Variants in MYO9B observed in about 807,000 individuals in gnomAD.
The protein encoded by MYO9B is myosin IXB.
In MYO9B, 71 loss-of-function variants were observed where a neutral mutation model predicts 229.5. That is an observed-to-expected ratio of 0.31 (90% confidence interval 0.26 to 0.38). The LOEUF is 0.38. Among genes scored for constraint, MYO9B ranks in the 10% least tolerant of loss-of-function variants. The pLI is 1.00. For missense variants in MYO9B, 2,255 were observed against 2,920.5 expected (o/e 0.77, Z 5.25); for synonymous variants, 1,185 against 1,235.8 (o/e 0.96, Z 0.86).
At position 17,191,088 on chromosome 19, in the gene MYO9B, AT is replaced by A. The variant is rs1255494640; in HGVS notation, c.2689-8del. The A allele has an allele frequency of 6.2e-7, 1 of 1,610,962 alleles. No homozygotes were observed. The stretch of plus-strand genomic sequence containing the variant: ...CCTAGATTTTCCTTTCTCCACCCAA[AT>A]AACCTAGGATTTCACCGAGCAGTTC... On this transcript the variant is annotated splice_region_variant and splice_polypyrimidine_tract_variant and intron_variant, in intron 19 of 39. Transcript: ENST00000682292.
At chr19:17,118,630 C>T (rs571609038) in intron 2 of MYO9B, among the ~76,000 whole-genome samples, 4 of 152,014 alleles carry the variant, frequency 2.6e-5, no homozygotes, top group South Asian at 4.2e-4. Context: ...TACAGGCGTG[C>T]GCCATCACGC....
At chr19:17,084,139 C>T (rs377013144) in intron 1 of MYO9B, among the ~76,000 whole-genome samples, 2 of 151,970 alleles carry the variant, frequency 1.3e-5, no homozygotes, top group South Asian at 2.1e-4. Context: ...ACTTCCAGAC[C>T]AGCCTTGGCA....
intron 10 of MYO9B, among the ~76,000 whole-genome samples, chr19:17,166,323 G>A (rs768022597): frequency 2.6e-5 from 4 of 152,184 alleles, no homozygotes; most frequent in Non-Finnish European, 5.9e-5. Context: ...GATTACAGGC[G>A]TGAGCCACCA....
intron 37 of MYO9B, 38 bp from the exon 38 acceptor site, chr19:17,210,677 C>G (rs748167429): frequency 2.0e-6 from 3 of 1,500,624 alleles, no homozygotes; most frequent in Non-Finnish European, 8.9e-7. Flanking sequence ...CTCGCCCACT[C>G]AGAGATGTCA....
Position 17,183,899 on chromosome 19 carries a change from G to T in MYO9B, c.2373+31G>T, listed in dbSNP as rs777905249. 28 of 1,544,066 alleles carry T rather than the reference G, an allele frequency of 1.8e-5. No individual in the cohort carries two copies. The South Asian group carries it at 3.2e-4, about 17-fold the overall frequency. ...AAAAAAAACACACCCCGCGCGACAC[G>T]TTCCAAGATATCTTGCTTCTCTGCC... On this transcript the variant is annotated intron_variant, in intron 16 of 39. Coordinates refer to ENST00000682292, the MANE Select transcript of MYO9B (RefSeq NM_004145.4).
intron 13 of MYO9B, among the ~76,000 whole-genome samples, chr19:17,174,022 C>CTTTTTT (rs11313520): frequency 1.5e-5 from 1 of 64,734 alleles, no homozygotes. Context: ...TGATGAGCTG[C>CTTTTTT]TTTTTTTTTT....
At chr19:17,123,873 G>A (rs889795005) in intron 2 of MYO9B, among the ~76,000 whole-genome samples, 3 of 151,854 alleles carry the variant, frequency 2.0e-5, no homozygotes, top group African/African-American at 7.3e-5. Flanking sequence ...CACATACATG[G>A]AACATTCTCA....
At chr19:17,116,686 T>C (rs2057907176) in intron 2 of MYO9B, among the ~76,000 whole-genome samples, 1 of 151,792 alleles carries the variant, frequency 6.6e-6, no homozygotes, top group African/African-American at 2.4e-5. Context: ...AAAGAGGGAA[T>C]GGAGGGAGGG....
rs1332095016 is a variant in MYO9B, at chr19:17,172,507, A to G, written c.1935+30A>G. ...GTGTCTGCCCATCACCACTGGTGGA[A>G]GCCTGAGGGAAGCCACAGTCAGCCC... On this transcript the variant is annotated intron_variant, in intron 12 of 39. Coordinates refer to ENST00000682292, the MANE Select transcript of MYO9B (RefSeq NM_004145.4). This position sits in a 1 kb window ranked among gnomAD's most constrained non-coding sequence, Gnocchi z 8.2. 1 of 1,610,284 alleles carries G rather than the reference A, an allele frequency of 6.2e-7. No homozygotes were observed. Among genetic ancestry groups the G allele is most frequent in the Middle Eastern group, 1.7e-4 (1 of 6,008 alleles).
Position 17,212,694 on chromosome 19 carries a change from A to C in MYO9B, c.*384A>C. 5.5e-6 allele frequency: 1 copy of C among 183,314 alleles called. No individual in the cohort carries two copies. The highest frequency in any genetic ancestry group is 1.1e-5 in the Non-Finnish European group (1 of 88,824). The allele number at this position is 183,314 out of a possible 1,614,324, so 11.4% of individuals were successfully genotyped here. A position where few individuals can be genotyped will look rare whatever the true frequency, so the allele number is the denominator to read the frequency against. ...TGTGTATGTACAAAGTTTTCTATTA[A>C]CGCTGCCCGTCTCCCTTATAACCTG... is the stretch of plus-strand genomic sequence containing the variant. On this transcript the variant is annotated 3_prime_UTR_variant, in exon 40 of 40. Transcript: ENST00000682292. This position sits in a 1 kb window ranked among gnomAD's most constrained non-coding sequence, Gnocchi z 5.4.
At chr19:17,163,750 C>T (rs1357903605) in intron 10 of MYO9B, among the ~76,000 whole-genome samples, 2 of 152,168 alleles carry the variant, frequency 1.3e-5, no homozygotes, top group African/African-American at 2.4e-5. Flanking sequence ...TTGTGACTGG[C>T]TTATTTCGCA....
At chr19:17,106,542 G>C (rs1191057573) in intron 2 of MYO9B, among the ~76,000 whole-genome samples, 1 of 152,226 alleles carries the variant, frequency 6.6e-6, no homozygotes, top group Non-Finnish European at 1.5e-5. Context: ...AGTGGCCCCA[G>C]TGTCCTCCCA....
At chr19:17,158,591 T>C (rs1276917761) in intron 7 of MYO9B, among the ~76,000 whole-genome samples, 1 of 147,800 alleles carries the variant, frequency 6.8e-6, no homozygotes, top group East Asian at 2.0e-4. Context: ...CAAGACTCCA[T>C]CTAAAAAAAA....
At chr19:17,096,301 TGA>T (rs1187834686) in intron 1 of MYO9B, among the ~76,000 whole-genome samples, 2 of 152,314 alleles carry the variant, frequency 1.3e-5, no homozygotes, top group African/African-American at 4.8e-5. Context: ...GAGTAACTCC[TGA>T]GAGGGGAATT....
At chr19:17,124,045 A>C (rs4808572) in intron 2 of MYO9B, among the ~76,000 whole-genome samples, 113,579 of 151,874 alleles carry the variant, frequency 0.75, 43,223 homozygotes, top group African/African-American at 0.89. Context: ...ACCACCATCA[A>C]GTCTGGCTAA....
chr19:17,161,812 C>A (rs1203329910), intron 8 of MYO9B, among the ~76,000 whole-genome samples: 1 of 151,418 alleles, frequency 6.6e-6, no homozygotes, highest in African/African-American at 2.4e-5. Flanking sequence ...CAAGACTCCA[C>A]CTCAAAAATA....
rs367945031 is a variant in MYO9B at position 17,154,368 on chromosome 19, C to T, written c.1152C>T (p.Leu384=). ...GEDLKHDFER[L]KQAMEMVGFL... ...ACCTGAAGCATGACTTTGAGAGGCT[C>T]AAGCAGGCCATGGAGATGGTGGGCT... The change falls in exon 6 of 40, where the codon CTC becomes CTT. Residue 384 remains leucine, a synonymous_variant. Coordinates refer to ENST00000682292, the MANE Select transcript of MYO9B (RefSeq NM_004145.4). 4 of 1,613,304 alleles carry T rather than the reference C, an allele frequency of 2.5e-6. No homozygotes were observed. The African/African-American group carries it at 4.0e-5, about 16-fold the overall frequency.
chr19:17,106,067 A>G (rs981922833), intron 2 of MYO9B, among the ~76,000 whole-genome samples: 1 of 151,290 alleles, frequency 6.6e-6, no homozygotes, highest in South Asian at 2.1e-4. Context: ...CAGTGGCACA[A>G]TCATAACTCA....
In MYO9B at chr19:17,172,240, C is replaced by CA. The variant is rs1330209518; in HGVS notation, c.1794-95dup. The CA allele has an allele frequency of 6.6e-7, 1 of 1,503,884 alleles. No individual in the cohort carries two copies. Among genetic ancestry groups the CA allele is most frequent in the African/African-American group, 1.4e-5 (1 of 73,074 alleles). The allele number at this position is 1,503,884 out of a possible 1,614,324, so 93.2% of individuals were successfully genotyped here. On this transcript the variant is annotated intron_variant, in intron 11 of 39. Transcript: ENST00000682292. This position sits in a 1 kb window ranked among gnomAD's most constrained non-coding sequence, Gnocchi z 8.2. Reference sequence around the variant, plus strand: ...CACTGCTCTGCCCACCCCATGCACCCACCCACCTCGTGCACCAGGGGTCTG... The same window carrying CA: ...CACTGCTCTGCCCACCCCATGCACCCAACCCACCTCGTGCACCAGGGGTCTG...
Sources: gnomAD v4.1 joint callset for allele counts (sites outside exome capture counted in the v4.1 genomes callset) on GRCh38, gnomAD v4.1.1 for gene constraint, Gnocchi (gnomAD v3.1) non-coding constraint, MANE v1.5 for transcripts, NCBI Gene and HGNC (gene_info 2026-07-23, HGNC 2026-07-21) for gene names.